The following GRM8 variants were observed in gnomAD, a reference collection of about 807,000 sequenced individuals.
GRM8 encodes the protein metabotropic glutamate receptor 8.
GRM8 carries 47 observed loss-of-function variants against 87.2 expected under a neutral mutation model. The ratio of observed to expected loss-of-function variants is 0.54; its 90% CI spans 0.43 to 0.69. The LOEUF is 0.69. GRM8 is among the 30% of genes least tolerant of loss of function. The pLI is 0.00. For synonymous variants in GRM8, 396 were observed against 404.5 expected (o/e 0.98, Z 0.25); for missense variants, 1,019 against 1,139.2 (o/e 0.89, Z 1.52).
At chr7:127,143,902 A>T (rs1828408528) in intron 2 of GRM8, among the ~76,000 whole-genome samples, 1 of 152,154 alleles carries the variant, frequency 6.6e-6, no homozygotes, top group South Asian at 2.1e-4. Context: ...TGCAATAGGT[A>T]TAAATGTGTG....
chr7:127,192,753 C>T (rs976166298), intron 2 of GRM8, among the ~76,000 whole-genome samples: 2 of 152,200 alleles, frequency 1.3e-5, no homozygotes, highest in Non-Finnish European at 2.9e-5. Context: ...TCTAATCATG[C>T]CTGAAGCTGC....
rs553985181 is a variant in GRM8, at chr7:126,669,188, G to A, written c.1358-59690C>T. 2.0e-5 allele frequency among the ~76,000 whole-genome samples: 3 copies of A among 152,254 alleles called. No individual in the cohort carries two copies. The South Asian group carries it at 6.2e-4, about 32-fold the overall frequency. Reference sequence around the variant, plus strand: ...GTTGGGGAGTCAGGGGCAAAAGGAAGGAGGGCATTAGGACAAATACCTAAT... The same window carrying A: ...GTTGGGGAGTCAGGGGCAAAAGGAAAGAGGGCATTAGGACAAATACCTAAT... On this transcript the variant is annotated intron_variant, in intron 7 of 10. Coordinates refer to ENST00000339582, the MANE Select transcript of GRM8 (RefSeq NM_000845.3).
intron 2 of GRM8, among the ~76,000 whole-genome samples, chr7:127,142,162 G>C (rs17861413): frequency 6.6e-6 from 1 of 151,858 alleles, no homozygotes; most frequent in Non-Finnish European, 1.5e-5. Context: ...AAATTTTGTA[G>C]AGATGGGGTC....
intron 7 of GRM8, among the ~76,000 whole-genome samples, chr7:126,745,392 A>ATATATTACATTATATTATAT (rs1554476309): frequency 6.8e-6 from 1 of 146,176 alleles, no homozygotes; most frequent in African/African-American, 2.5e-5. Flanking sequence ...AGACATAGTC[A>ATATATTACATTATATTATAT]TATATTATAT....
chr7:126,456,321 A>G (rs1287608646), intron 9 of GRM8, among the ~76,000 whole-genome samples: 1 of 151,418 alleles, frequency 6.6e-6, no homozygotes, highest in Non-Finnish European at 1.5e-5. Flanking sequence ...TCTACATAGG[A>G]AAGACAGAAA....
intron 3 of GRM8, among the ~76,000 whole-genome samples, chr7:127,001,758 G>A (rs984084446): frequency 3.3e-5 from 5 of 151,524 alleles, no homozygotes; most frequent in African/African-American, 1.2e-4. Context: ...TTTATTCATA[G>A]TAGCCACAAA....
At chr7:126,460,505 G>C (rs1803773558) in intron 9 of GRM8, among the ~76,000 whole-genome samples, 1 of 151,604 alleles carries the variant, frequency 6.6e-6, no homozygotes, top group Admixed American at 6.6e-5. Context: ...AGGTGGAGAA[G>C]GCTTTGACCA....
At chr7:126,725,741 A>T (rs1246672030) in intron 7 of GRM8, among the ~76,000 whole-genome samples, 1 of 152,202 alleles carries the variant, frequency 6.6e-6, no homozygotes, top group Non-Finnish European at 1.5e-5. Context: ...CGGCGTTGGC[A>T]TCTGCTCAGC....
chr7:126,879,581 G>A (rs1799844259), intron 6 of GRM8, among the ~76,000 whole-genome samples: 1 of 151,932 alleles, frequency 6.6e-6, no homozygotes, highest in African/African-American at 2.4e-5. Flanking sequence ...AATATTTTAT[G>A]GCTATATTTT....
At chr7:126,675,456 C>T (rs1806862769) in intron 7 of GRM8, among the ~76,000 whole-genome samples, 1 of 152,150 alleles carries the variant, frequency 6.6e-6, no homozygotes, top group Admixed American at 6.5e-5. Context: ...AACTATAGGT[C>T]ACTATCCCTG....
chr7:126,646,092 G>A (rs1008861774), intron 7 of GRM8, among the ~76,000 whole-genome samples: 1 of 152,034 alleles, frequency 6.6e-6, no homozygotes, highest in Non-Finnish European at 1.5e-5. Context: ...ACATGCCCAG[G>A]GGCCTCTATT....
intron 8 of GRM8, among the ~76,000 whole-genome samples, chr7:126,586,284 C>T (rs576497472): frequency 1.3e-5 from 2 of 152,260 alleles, no homozygotes; most frequent in Non-Finnish European, 2.9e-5. Context: ...TTAATGCCAT[C>T]TCCATCAAGC....
At chr7:126,587,093 T>C (rs898888145) in intron 8 of GRM8, among the ~76,000 whole-genome samples, 18 of 152,110 alleles carry the variant, frequency 1.2e-4, no homozygotes, top group African/African-American at 4.1e-4. Flanking sequence ...TCATCACTGG[T>C]CATCAGAGAA....
chr7:127,149,829 T>A (rs1221174830), intron 2 of GRM8, among the ~76,000 whole-genome samples: 1 of 152,048 alleles, frequency 6.6e-6, no homozygotes, highest in East Asian at 1.9e-4. Context: ...TGACCTCACA[T>A]GTGGAATCTA....
At chr7:127,075,399 T>C (rs957679905) in intron 3 of GRM8, among the ~76,000 whole-genome samples, 6 of 152,192 alleles carry the variant, frequency 3.9e-5, no homozygotes, top group Non-Finnish European at 7.3e-5. Flanking sequence ...TGGAAGTGAT[T>C]ACAAAAAATA....
chr7:126,993,198 T>C (rs1181509568), intron 3 of GRM8, among the ~76,000 whole-genome samples: 2 of 152,128 alleles, frequency 1.3e-5, no homozygotes, highest in African/African-American at 2.4e-5. Context: ...TGTAGGCATA[T>C]ACATAATAAA....
chr7:126,898,102 A>G (rs1303067031), intron 6 of GRM8, among the ~76,000 whole-genome samples: 1 of 152,154 alleles, frequency 6.6e-6, no homozygotes, highest in Non-Finnish European at 1.5e-5. Context: ...TTAACCTACC[A>G]ATGATGTTCT....
intron 8 of GRM8, among the ~76,000 whole-genome samples, chr7:126,606,931 T>G (rs542075237): frequency 8.4e-4 from 128 of 152,318 alleles, no homozygotes; most frequent in Non-Finnish European, 1.5e-3. Context: ...AATTATGTTA[T>G]GTAATGGTGT....
At chr7:126,549,166 G>T (rs1010200495) in intron 8 of GRM8, among the ~76,000 whole-genome samples, 2 of 152,050 alleles carry the variant, frequency 1.3e-5, no homozygotes, top group African/African-American at 4.8e-5. Flanking sequence ...GAAAAGAGAA[G>T]ACAGAGGCTA....
Sources: allele counts gnomAD v4.1 joint callset (sites outside exome capture counted in the v4.1 genomes callset), GRCh38; gene constraint gnomAD v4.1.1; transcripts MANE v1.5; gene names NCBI Gene and HGNC (gene_info 2026-07-23, HGNC 2026-07-21).